Variants in HAAO observed in about 807,000 individuals in gnomAD.
HAAO encodes the protein 3-hydroxyanthranilate oxygenase.
In HAAO, 49 loss-of-function variants were observed where a neutral mutation model predicts 46.2. The ratio of observed to expected loss-of-function variants is 1.06; its 90% CI spans 0.84 to 1.34. The LOEUF (loss-of-function observed/expected upper bound fraction) is 1.34. Among genes scored for constraint, HAAO ranks in the 40% most tolerant of loss-of-function variants. The pLI is 0.00. For synonymous variants in HAAO, 157 were observed against 145.2 expected (o/e 1.08, Z -0.58); for missense variants, 408 against 364.5 (o/e 1.12, Z -0.97).
chr2:42,792,353 T>G, intron 1 of HAAO, 104 bp downstream of exon 1: 1 of 604,154 alleles, frequency 1.7e-6, no homozygotes, highest in Non-Finnish European at 2.9e-6. Flanking sequence ...GCGGTCCTTC[T>G]GCAAGCTTCT....
intron 4 of HAAO, among the ~76,000 whole-genome samples, chr2:42,771,555 T>C (rs912783786): frequency 6.6e-6 from 1 of 152,140 alleles, no homozygotes; most frequent in African/African-American, 2.4e-5. Flanking sequence ...GTTTTGGACC[T>C]CTTTTCTGGG....
intron 4 of HAAO, among the ~76,000 whole-genome samples, chr2:42,774,111 A>C (rs189362794): frequency 6.6e-6 from 1 of 152,266 alleles, no homozygotes; most frequent in African/African-American, 2.4e-5. Flanking sequence ...TACATATGTT[A>C]ATTGATGTCT....
At chr2:42,770,078 C>G in intron 6 of HAAO, 65 bp downstream of exon 6, 1 of 1,498,946 alleles carries the variant, frequency 6.7e-7, no homozygotes, top group Non-Finnish European at 9.2e-7. Context: ...GTCCCCTGGA[C>G]CAAAACCCAT....
At chr2:42,777,322 AAGAAG>A (rs1171448414) in intron 4 of HAAO, among the ~76,000 whole-genome samples, 9 of 148,162 alleles carry the variant, frequency 6.1e-5, no homozygotes, top group South Asian at 4.2e-4. Context: ...AAAAAAAAAA[AAGAAG>A]AAAGAAAAGA....
At chr2:42,772,739 T>A (rs1671231101) in intron 4 of HAAO, among the ~76,000 whole-genome samples, 1 of 152,118 alleles carries the variant, frequency 6.6e-6, no homozygotes, top group African/African-American at 2.4e-5. Context: ...TGAGAATGAA[T>A]GTGTATGACT....
intron 3 of HAAO, 131 bp downstream of exon 3, chr2:42,783,653 C>T (rs1672174418): frequency 6.3e-6 from 5 of 790,206 alleles, no homozygotes; most frequent in African/African-American, 1.7e-5. Context: ...GGCAGGTTGG[C>T]AGGGGAAGGT....
At position 42,770,191 on chromosome 2, in the gene HAAO, A is replaced by AT. The variant is rs1670998819; in HGVS notation, c.441-6_441-5insA. ...TACTGCTCAGAGCTGAAGAACCTGCAAGGACGAACAGGGAGGAGCAGGAGT... is the reference window on the plus strand; with the variant it reads ...TACTGCTCAGAGCTGAAGAACCTGCATAGGACGAACAGGGAGGAGCAGGAGT... On this transcript the variant is annotated splice_region_variant and splice_polypyrimidine_tract_variant and intron_variant, in intron 5 of 9. Transcript: ENST00000294973. 6.3e-7 allele frequency: 1 copy of AT among 1,595,772 alleles called. No individual in the cohort carries two copies. The highest frequency in any genetic ancestry group is 2.3e-5 in the East Asian group (1 of 44,004).
intron 7 of HAAO, 69 bp downstream of exon 7, chr2:42,769,644 A>G: frequency 7.4e-7 from 1 of 1,348,394 alleles, no homozygotes; most frequent in Non-Finnish European, 1.0e-6. Flanking sequence ...AGGCAGTGAG[A>G]GAGAGACTGG....
chr2:42,767,745 T>G (rs1337377176), intron 8 of HAAO, 68 bp from the exon 9 acceptor site: 4 of 1,544,928 alleles, frequency 2.6e-6, no homozygotes, highest in Non-Finnish European at 3.6e-6. Context: ...AATGTCTGAG[T>G]CTGCCTGGGC....
At chr2:42,791,352 A>T (rs984363666) in intron 1 of HAAO, among the ~76,000 whole-genome samples, 1 of 152,136 alleles carries the variant, frequency 6.6e-6, no homozygotes, top group Non-Finnish European at 1.5e-5. Context: ...GGGGGAGCGA[A>T]GGGAGGACTG....
intron 4 of HAAO, among the ~76,000 whole-genome samples, chr2:42,781,551 A>G (rs1208703172): frequency 6.6e-6 from 1 of 152,206 alleles, no homozygotes; most frequent in East Asian, 1.9e-4. Context: ...AAGTTCCATC[A>G]AAGCCAATTT....
At chr2:42,782,573 G>C (rs1343667537) in intron 4 of HAAO, among the ~76,000 whole-genome samples, 1 of 152,210 alleles carries the variant, frequency 6.6e-6, no homozygotes, top group Non-Finnish European at 1.5e-5. Context: ...AAATGTGAAA[G>C]GAAAATATCT....
intron 1 of HAAO, among the ~76,000 whole-genome samples, chr2:42,790,947 A>C (rs13026205): frequency 0.8 from 121,743 of 152,156 alleles, 49,086 homozygotes; most frequent in Middle Eastern, 0.93. Flanking sequence ...TGCATAAACC[A>C]GACCTGCCCC....
Position 42,767,183 on chromosome 2 carries a change from G to A in HAAO, c.*254C>T. ...AGAGGAATGGGCAGGAGCGGGGCCG[G>A]GGGTAGACCACCTGGCAAGACTGGC... On this transcript the variant is annotated 3_prime_UTR_variant, in exon 10 of 10. Coordinates refer to ENST00000294973, the MANE Select transcript of HAAO (RefSeq NM_012205.3). 1.7e-6 allele frequency: 1 copy of A among 588,220 alleles called. No homozygotes were observed. Among genetic ancestry groups the A allele is most frequent in the Non-Finnish European group, 3.1e-6 (1 of 327,688 alleles). The allele number at this position is 588,220 out of a possible 1,614,324, so 36.4% of individuals were successfully genotyped here.
intron 4 of HAAO, among the ~76,000 whole-genome samples, chr2:42,774,704 A>C (rs979430149): frequency 1.3e-5 from 2 of 152,152 alleles, no homozygotes; most frequent in African/African-American, 4.8e-5. Flanking sequence ...TAAAGTTAAC[A>C]ATCAGGTGCT....
At chr2:42,769,925 G>A in intron 6 of HAAO, 67 bp from the exon 7 acceptor site, 1 of 1,503,950 alleles carries the variant, frequency 6.6e-7, no homozygotes, top group Admixed American at 2.0e-5. Flanking sequence ...AGTGGGCCCA[G>A]TTCCCAGGGG....
Position 42,769,820 on chromosome 2 carries a change from G to T in HAAO, c.523C>A (p.Arg175=). 1 of 1,613,696 alleles carries T rather than the reference G, an allele frequency of 6.2e-7. No homozygotes were observed. Among genetic ancestry groups the T allele is most frequent in the Non-Finnish European group, 8.5e-7 (1 of 1,179,868 alleles). The part of the protein sequence containing the change: ...LKEPPFPLST[R]SIMEPMSLDA... ...AGGGACATGGGCTCCATGATGGATCGTGTGCTCAGAGGGAATGGTGGCTCC... is the reference window on the plus strand; with the variant it reads ...AGGGACATGGGCTCCATGATGGATCTTGTGCTCAGAGGGAATGGTGGCTCC... Residue 175 remains arginine (R), a synonymous_variant, in exon 7 of 10, where the codon CGA becomes AGA. Transcript: ENST00000294973.
rs532834303 is a variant in HAAO at position 42,787,938 on chromosome 2, C to T, written c.159+591G>A. Among the ~76,000 whole-genome samples, 3 of 152,224 alleles carry T rather than the reference C, an allele frequency of 2.0e-5. No individual in the cohort carries two copies. The East Asian group carries it at 5.8e-4, about 29-fold the overall frequency. On this transcript the variant is annotated intron_variant, in intron 2 of 9. Coordinates refer to ENST00000294973, the MANE Select transcript of HAAO (RefSeq NM_012205.3). ...GTGATTCAAGGCAAATTCCCCCTCC[C>T]ACCTGCCCCAGCCACAAGCCACGAA...
At chr2:42,773,842 G>A (rs1036795916) in intron 4 of HAAO, among the ~76,000 whole-genome samples, 7 of 152,066 alleles carry the variant, frequency 4.6e-5, no homozygotes, top group Admixed American at 6.5e-5. Context: ...CACCCGCCTC[G>A]GCCTCCCGAA....
Sources: gnomAD v4.1 joint callset for allele counts (sites outside exome capture counted in the v4.1 genomes callset) on GRCh38, gnomAD v4.1.1 for gene constraint, MANE v1.5 for transcripts, NCBI Gene and HGNC (gene_info 2026-07-23, HGNC 2026-07-21) for gene names.